Variants in PLA2G4F observed in about 807,000 individuals in gnomAD.
The protein encoded by PLA2G4F is cytosolic phospholipase A2 zeta.
A neutral mutation model predicts 103.1 loss-of-function variants in PLA2G4F; 105 were observed. The ratio of observed to expected loss-of-function variants is 1.02; its 90% CI spans 0.87 to 1.20. PLA2G4F has a LOEUF of 1.20. Ranked by LOEUF, PLA2G4F falls within the 50% of genes most tolerant of loss-of-function variation. The probability of loss-of-function intolerance (pLI) is 0.00; values close to 1 mark genes in which losing one functional copy is unlikely to be tolerated. For synonymous variants in PLA2G4F, 468 were observed against 441.1 expected (o/e 1.06, Z -0.76); for missense variants, 1,155 against 1,075.9 (o/e 1.07, Z -1.03).
chr15:42,149,391 G>A, intron 11 of PLA2G4F: 4 of 726,878 alleles, frequency 5.5e-6, no homozygotes, highest in Non-Finnish European at 6.7e-6. Flanking sequence ...GAAGAGGAGA[G>A]GGAACCCAGC....
chr15:42,146,326 C>G, intron 13 of PLA2G4F, 85 bp from the exon 14 acceptor site: 2 of 1,265,492 alleles, frequency 1.6e-6, no homozygotes, highest in Admixed American at 3.6e-5. Context: ...CCCTGCAAGG[C>G]GTGGTGTGCC....
intron 13 of PLA2G4F, 152 bp downstream of exon 13, chr15:42,146,972 C>T (rs1322511876): frequency 6.8e-6 from 5 of 735,188 alleles, no homozygotes; most frequent in South Asian, 3.7e-5. Context: ...GGTACCAGCC[C>T]ACCCTGGAGT....
At position 42,142,195 on chromosome 15, in the gene PLA2G4F, C is replaced by T. The variant is rs530370813; in HGVS notation, c.2339G>A (p.Arg780Gln). ...FRTHLAPGVE[R>Q]QTAEEKAFGD... ...AAAGGCCTTCTCCTCAGCTGTTTGT[C>T]GCTCCACACCTGTGGGTGGGGGAAG... is the stretch of plus-strand genomic sequence containing the variant. The change falls in exon 20 of 20, where the codon CGA becomes CAA. Residue 780 changes from arginine to glutamine, a missense_variant. Physicochemically the swap from Arg to Gln is conservative, Grantham distance 43. This residue lies in a region of PLA2G4F where 782 missense variants were observed against 692.9 expected (regional missense o/e 1.13). Transcript: ENST00000397272. 67 of 1,611,004 alleles carry T rather than the reference C, an allele frequency of 4.2e-5. No homozygotes were observed. Among genetic ancestry groups the T allele is most frequent in the South Asian group, 3.6e-4 (33 of 90,444 alleles).
chr15:42,146,056 G>A, intron 14 of PLA2G4F, 71 bp downstream of exon 14: 6 of 1,585,368 alleles, frequency 3.8e-6, no homozygotes, highest in Non-Finnish European at 5.2e-6. Flanking sequence ...TGGGTACCCT[G>A]ATCACCCTGG....
intron 15 of PLA2G4F, 25 bp from the exon 16 acceptor site, chr15:42,145,707 C>G: frequency 6.2e-7 from 1 of 1,613,732 alleles, no homozygotes; most frequent in African/African-American, 1.3e-5. Flanking sequence ...AGGCCCCCAC[C>G]CCACGTCAGG....
chr15:42,145,504 T>G, intron 16 of PLA2G4F, 71 bp downstream of exon 16: 1 of 1,456,976 alleles, frequency 6.9e-7, no homozygotes, highest in Non-Finnish European at 9.6e-7. Flanking sequence ...CCCTCCCTCA[T>G]TCTTCTTGTC....
intron 18 of PLA2G4F, 139 bp downstream of exon 18, chr15:42,143,839 A>G: frequency 8.7e-7 from 1 of 1,152,842 alleles, no homozygotes; most frequent in Non-Finnish European, 1.2e-6. Context: ...ACAGAGTGGA[A>G]CCCAGGCCGT....
chr15:42,155,725 C>CT, intron 1 of PLA2G4F, 136 bp from the exon 2 acceptor site: 2 of 804,320 alleles, frequency 2.5e-6, no homozygotes, highest in Admixed American at 4.3e-5. Context: ...AGCAGGGAGA[C>CT]CTTGGCGGGT....
At chr15:42,143,792 T>C (rs2048849121) in intron 18 of PLA2G4F, among the ~76,000 whole-genome samples, 186 bp downstream of exon 18, 1 of 152,168 alleles carries the variant, frequency 6.6e-6, no homozygotes, top group Non-Finnish European at 1.5e-5. Flanking sequence ...GGGAGACCTG[T>C]GCTGCCAACA....
At chr15:42,152,280 G>T (rs2048968709) in intron 7 of PLA2G4F, among the ~76,000 whole-genome samples, 1 of 152,240 alleles carries the variant, frequency 6.6e-6, no homozygotes, top group African/African-American at 2.4e-5. Flanking sequence ...CGCTTACTCA[G>T]TTGGGCTTGC....
intron 17 of PLA2G4F, 147 bp from the exon 18 acceptor site, chr15:42,144,291 C>T: frequency 7.2e-7 from 1 of 1,381,726 alleles, no homozygotes; most frequent in South Asian, 1.4e-5. Context: ...TTGGCCCTGC[C>T]TTCCAGCTTC....
intron 1 of PLA2G4F, 35 bp downstream of exon 1, chr15:42,156,404 A>G (rs1239968671): frequency 6.5e-7 from 1 of 1,528,678 alleles, no homozygotes; most frequent in East Asian, 2.5e-5. Flanking sequence ...GGACTCCCCC[A>G]GTCCGGGTTT....
At position 42,155,559 on chromosome 15, in the gene PLA2G4F, C is replaced by A. The variant is rs1237934095; in HGVS notation, c.142G>T (p.Val48Leu). ...ATGTTTGTGGCCCTCAGCACCTTCACCTGGAGGTCATAGTATGGGTAGGTT... is the reference window on the plus strand; with the variant it reads ...ATGTTTGTGGCCCTCAGCACCTTCAACTGGAGGTCATAGTATGGGTAGGTT... ...RETYPYYDLQVKVLRATNIRG... is the reference protein window; with the variant it reads ...RETYPYYDLQLKVLRATNIRG... Residue 48 changes from valine to leucine, a missense_variant, in exon 2 of 20, where the codon GTG (valine) becomes TTG (leucine). By Grantham distance (32) the Val-to-Leu change is conservative. Around this residue, in one of 3 missense-constraint regions of PLA2G4F, gnomAD observed 370 missense variants for 364.9 expected, o/e 1.01. Coordinates refer to ENST00000397272, the MANE Select transcript of PLA2G4F (RefSeq NM_213600.4). 1.9e-6 allele frequency: 3 copies of A among 1,614,144 alleles called. No individual in the cohort carries two copies. Among genetic ancestry groups the A allele is most frequent in the Non-Finnish European group, 1.7e-6 (2 of 1,179,974 alleles).
At chr15:42,155,267 G>A (rs1009440012) in intron 2 of PLA2G4F, among the ~76,000 whole-genome samples, 8 of 151,228 alleles carry the variant, frequency 5.3e-5, no homozygotes, top group African/African-American at 9.8e-5. Context: ...CCACACACTC[G>A]CACTCACATG....
In PLA2G4F at chr15:42,145,796, GGA is replaced by G; in HGVS notation, c.1640_1641del (p.Leu547ProfsTer3). ...SELFMGRLLQ[L>X]QPEPRICYLQ... ...AGGTAACAGATCCGGGGTTCAGGCT[GGA>G]GCTGCAGCAATCGTCCCATGAAGAG... On this transcript the variant is annotated frameshift_variant, in exon 15 of 20. Coordinates refer to ENST00000397272, the MANE Select transcript of PLA2G4F (RefSeq NM_213600.4). LOFTEE classifies it high-confidence loss of function. 1 of 1,614,136 alleles carries G rather than the reference GGA, an allele frequency of 6.2e-7. No homozygotes were observed. Among genetic ancestry groups the G allele is most frequent in the Non-Finnish European group, 8.5e-7 (1 of 1,180,028 alleles).
chr15:42,146,910 G>T, intron 13 of PLA2G4F: 1 of 567,446 alleles, frequency 1.8e-6, no homozygotes, highest in Non-Finnish European at 3.2e-6. Context: ...AGAGCTGAGC[G>T]CTGCGGACCA....
Position 42,145,893 on chromosome 15 carries a change from C to G in PLA2G4F, c.1545G>C (p.Glu515Asp), listed in dbSNP as rs967164728. 2 of 1,613,882 alleles carry G rather than the reference C, an allele frequency of 1.2e-6. No homozygotes were observed. Among genetic ancestry groups the G allele is most frequent in the Non-Finnish European group, 1.7e-6 (2 of 1,180,024 alleles). ...LSGEDFAEWC[E>D]FTPYEVGFPK... Reference sequence around the variant, plus strand: ...GGAAGCCAACCTCATAGGGCGTGAACTCGCACCACTCTAGGGGCCCGAGTG... The same window carrying G: ...GGAAGCCAACCTCATAGGGCGTGAAGTCGCACCACTCTAGGGGCCCGAGTG... The change falls in exon 15 of 20, where the codon GAG becomes GAC. Residue 515 changes from glutamate to aspartate, a missense_variant. Physicochemically the swap from Glu to Asp is conservative, Grantham distance 45. This residue lies in a region of PLA2G4F where 782 missense variants were observed against 692.9 expected (regional missense o/e 1.13). Transcript: ENST00000397272.
Position 42,155,517 on chromosome 15 carries a change from G to T in PLA2G4F, c.184C>A (p.Leu62Met), listed in dbSNP as rs759041438. ...GAAGGATGGAGATGGGGTCACTCAC[G>T]CAGGTCTGTGCCCCGGATGTTTGTG... ...RATNIRGTDLLSKADCYVQLW... is the reference protein window; with the variant it reads ...RATNIRGTDLMSKADCYVQLW... Residue 62 changes from leucine (L) to methionine (M), a missense_variant and splice_region_variant, in exon 2 of 20, where the codon CTG becomes ATG. Coordinates refer to ENST00000397272, the MANE Select transcript of PLA2G4F (RefSeq NM_213600.4). 22 of 1,613,814 alleles carry T rather than the reference G, an allele frequency of 1.4e-5. No individual in the cohort carries two copies. Among genetic ancestry groups the T allele is most frequent in the Non-Finnish European group, 1.7e-5 (20 of 1,179,824 alleles).
In PLA2G4F at chr15:42,142,640, G is replaced by A. The variant is rs544965093; in HGVS notation, c.2217C>T (p.Asp739=). 76 of 1,614,030 alleles carry A rather than the reference G, an allele frequency of 4.7e-5. 1 individual carries two copies. In the East Asian group the frequency reaches 8.0e-4, roughly 17 times the overall value. ...GATAGCACTCACGGGCCTCCTCCAT[G>A]TCCTCAGGGCCCACCTCGATGCTAG... is the stretch of plus-strand genomic sequence containing the variant. ...PFPSIEVGPE[D]MEEARECYLF... Residue 739 remains aspartate (D), a synonymous_variant, in exon 19 of 20, where the codon GAC becomes GAT. Coordinates refer to ENST00000397272, the MANE Select transcript of PLA2G4F (RefSeq NM_213600.4).
Sources: gnomAD v4.1 joint callset for allele counts (sites outside exome capture counted in the v4.1 genomes callset) on GRCh38, gnomAD v4.1.1 for gene constraint, gnomAD v4.1.1 regional missense constraint, MANE v1.5 for transcripts, NCBI Gene and HGNC (gene_info 2026-07-23, HGNC 2026-07-21) for gene names.